Variants in PTPRT observed in about 807,000 individuals in gnomAD.
The protein encoded by PTPRT is receptor-type tyrosine-protein phosphatase T.
A neutral mutation model predicts 176.8 loss-of-function variants in PTPRT; 56 were observed. The observed-to-expected ratio is 0.32, with a 90% CI of 0.26 to 0.40. The LOEUF (loss-of-function observed/expected upper bound fraction) is 0.40, where lower values mean the gene tolerates loss of function less well. Among genes scored for constraint, PTPRT ranks in the 10% least tolerant of loss-of-function variants. PTPRT has a pLI of 1.00. For missense variants in PTPRT, 1,540 were observed against 1,908.2 expected (o/e 0.81, Z 3.60); for synonymous variants, 783 against 739.0 (o/e 1.06, Z -0.96).
intron 3 of PTPRT, among the ~76,000 whole-genome samples, chr20:42,782,668 A>C (rs895348192): frequency 6.6e-6 from 1 of 152,214 alleles, no homozygotes; most frequent in African/African-American, 2.4e-5. Flanking sequence ...ATTGTATGCT[A>C]TAAGATAAAC....
rs1555858329 is a variant in PTPRT, at chr20:42,086,753, A to AATATATATAT, written c.3847-910_3847-901dup. Reference sequence around the variant, plus strand: ...AAAAAAAAAAAAAAAAAAAAAAAAAAATATATATATATATGGGTTTGACCT... The same window carrying AATATATATAT: ...AAAAAAAAAAAAAAAAAAAAAAAAAAATATATATATATATATATATATATGGGTTTGACCT... On this transcript the variant is annotated intron_variant, in intron 27 of 30. Coordinates refer to ENST00000373187, the MANE Select transcript of PTPRT (RefSeq NM_007050.6). Among the ~76,000 whole-genome samples the AATATATATAT allele has an allele frequency of 2.5e-4, 24 of 95,494 alleles. 4 individuals carry two copies. The highest frequency in any genetic ancestry group is 6.9e-4 in the African/African-American group (14 of 20,404). 62.6% of individuals were successfully genotyped at this position (95,494 alleles called of 152,430 possible). A position where few individuals can be genotyped will look rare whatever the true frequency, so the allele number is the denominator to read the frequency against.
intron 6 of PTPRT, among the ~76,000 whole-genome samples, chr20:42,714,929 A>C (rs931332019): frequency 6.6e-6 from 1 of 152,170 alleles, no homozygotes. Context: ...TCTAGAAAAG[A>C]GTGGTTGATG....
At chr20:42,276,986 T>C (rs928354616) in intron 13 of PTPRT, among the ~76,000 whole-genome samples, 4 of 152,062 alleles carry the variant, frequency 2.6e-5, no homozygotes, top group African/African-American at 9.7e-5. Flanking sequence ...GAGAGGAAAA[T>C]GCCAGATGAA....
At chr20:42,128,033 A>AT (rs1987943020) in intron 19 of PTPRT, among the ~76,000 whole-genome samples, 2 of 152,158 alleles carry the variant, frequency 1.3e-5, no homozygotes, top group African/African-American at 4.8e-5. Flanking sequence ...ATCTTCACTG[A>AT]TGTAGTCCCA....
At chr20:42,977,740 A>C (rs1983031557) in intron 1 of PTPRT, among the ~76,000 whole-genome samples, 1 of 152,254 alleles carries the variant, frequency 6.6e-6, no homozygotes, top group Admixed American at 6.5e-5. Context: ...GCAGATAATT[A>C]TATCAAATGA....
chr20:43,013,339 C>A lies in PTPRT; in HGVS notation c.89-127407G>T, dbSNP rs142553480. ...AGAGCTTCAAAATGATTTCTGCTGC[C>A]ATCAATGCATTTTATTCACAACAAG... On this transcript the variant is annotated intron_variant, in intron 1 of 30. Transcript: ENST00000373187. 2.3e-3 allele frequency among the ~76,000 whole-genome samples: 357 copies of A among 152,198 alleles called. 1 individual carries two copies. Among genetic ancestry groups the A allele is most frequent in the African/African-American group, 8.5e-3 (353 of 41,530 alleles).
chr20:42,900,976 G>A (rs987944657), intron 1 of PTPRT, among the ~76,000 whole-genome samples: 11 of 152,268 alleles, frequency 7.2e-5, no homozygotes, highest in African/African-American at 2.6e-4. Flanking sequence ...TGTATCTTGA[G>A]TTAAAAGAAC....
At chr20:42,914,361 C>T (rs1978592072) in intron 1 of PTPRT, among the ~76,000 whole-genome samples, 1 of 152,206 alleles carries the variant, frequency 6.6e-6, no homozygotes, top group African/African-American at 2.4e-5. Flanking sequence ...CCCCTCTTTC[C>T]CAGAAGCCGG....
At chr20:42,763,514 G>A (rs2076944540) in intron 5 of PTPRT, among the ~76,000 whole-genome samples, 1 of 152,084 alleles carries the variant, frequency 6.6e-6, no homozygotes, top group Admixed American at 6.5e-5. Context: ...AATAAAATTA[G>A]GCCCAGCATT....
At chr20:42,084,566 T>C in intron 29 of PTPRT, 116 bp downstream of exon 29, 1 of 906,416 alleles carries the variant, frequency 1.1e-6, no homozygotes, top group Non-Finnish European at 1.5e-6. Flanking sequence ...TTGAGGGATG[T>C]TGAGTTGTGG....
chr20:42,367,541 G>A (rs999159159), intron 9 of PTPRT, among the ~76,000 whole-genome samples: 4 of 152,164 alleles, frequency 2.6e-5, no homozygotes, highest in Non-Finnish European at 5.9e-5. Context: ...TATAATGAAT[G>A]TAATAAATAT....
intron 7 of PTPRT, among the ~76,000 whole-genome samples, chr20:42,619,004 G>T (rs2074135993): frequency 6.6e-6 from 1 of 151,556 alleles, no homozygotes; most frequent in African/African-American, 2.4e-5. Context: ...TGGTGATTTT[G>T]CTCGTAAGTT....
rs969143959 is a variant in PTPRT at position 43,012,763 on chromosome 20, C to G, written c.89-126831G>C. Among the ~76,000 whole-genome samples the G allele has an allele frequency of 2.6e-5, 4 of 152,210 alleles. No homozygotes were observed. The South Asian group carries it at 6.2e-4, about 24-fold the overall frequency. On this transcript the variant is annotated intron_variant, in intron 1 of 30. Transcript: ENST00000373187. Reference sequence around the variant, plus strand: ...GCTCCTTGGCAGCCCACAGGAGCCACCGGGAGGTTATTCCCCCACAGACTA... The same window carrying G: ...GCTCCTTGGCAGCCCACAGGAGCCAGCGGGAGGTTATTCCCCCACAGACTA...
chr20:42,261,498 A>G (rs1351902761), intron 13 of PTPRT, among the ~76,000 whole-genome samples: 1 of 152,092 alleles, frequency 6.6e-6, no homozygotes, highest in Non-Finnish European at 1.5e-5. Context: ...GGTGAAGCTG[A>G]GTCATGACCC....
chr20:42,367,402 A>G (rs569082686), intron 9 of PTPRT, among the ~76,000 whole-genome samples: 7 of 152,326 alleles, frequency 4.6e-5, no homozygotes, highest in East Asian at 3.9e-4. Context: ...GTCAATAACT[A>G]TCTCTTGGGC....
intron 2 of PTPRT, among the ~76,000 whole-genome samples, chr20:42,803,345 C>T (rs761897145): frequency 6.6e-6 from 1 of 152,344 alleles, no homozygotes; most frequent in East Asian, 1.9e-4. Context: ...CCAGGGGATG[C>T]TGACACCCAC....
intron 1 of PTPRT, among the ~76,000 whole-genome samples, chr20:42,917,536 T>C (rs991553116): frequency 2.6e-5 from 4 of 152,216 alleles, no homozygotes; most frequent in African/African-American, 9.6e-5. Context: ...GCATTGAATC[T>C]ATAAATTACA....
At chr20:42,654,822 G>T (rs1291450155) in intron 7 of PTPRT, among the ~76,000 whole-genome samples, 1 of 152,142 alleles carries the variant, frequency 6.6e-6, no homozygotes, top group East Asian at 1.9e-4. Context: ...AATCTGGAAG[G>T]TCATACTCTC....
intron 9 of PTPRT, among the ~76,000 whole-genome samples, chr20:42,388,344 C>T (rs552376561): frequency 2.0e-5 from 3 of 152,270 alleles, no homozygotes; most frequent in African/African-American, 4.8e-5. Context: ...AGGCAACCTA[C>T]AGAATGGGAG....
Sources: allele counts gnomAD v4.1 joint callset (sites outside exome capture counted in the v4.1 genomes callset), GRCh38; gene constraint gnomAD v4.1.1; transcripts MANE v1.5; gene names NCBI Gene and HGNC (gene_info 2026-07-23, HGNC 2026-07-21).